Variants in ZBTB39 observed in about 807,000 individuals in gnomAD.
ZBTB39 encodes zinc finger and BTB domain-containing protein 39.
In ZBTB39, 25 loss-of-function variants were observed where a neutral mutation model predicts 39.4. The ratio of observed to expected loss-of-function variants is 0.63; its 90% confidence interval spans 0.46 to 0.89. ZBTB39 has a LOEUF of 0.89. ZBTB39 is among the 40% of genes least tolerant of loss of function. The pLI, the probability that ZBTB39 is intolerant of heterozygous loss-of-function variation, is 0.00. For missense variants in ZBTB39, 891 were observed against 909.7 expected (o/e 0.98, Z 0.26); for synonymous variants, 373 against 359.6 (o/e 1.04, Z -0.42).
At chr12:57,006,301 C>A in intron 1 of ZBTB39, 104 bp downstream of exon 1, 1 of 152,976 alleles carries the variant, frequency 6.5e-6, no homozygotes, top group South Asian at 1.9e-4. Context: ...AGGATGGGTC[C>A]GGCCGAAGGG....
rs747749909 is a variant in ZBTB39 at position 57,002,789 on chromosome 12, G to C, written c.2129C>G (p.Pro710Arg). ...IIHSKEADKN[P>R]DS The stretch of plus-strand genomic sequence containing the variant: ...TCTGCCGGGACCCAGTCAACTGTCC[G>C]GGTTCTTATCCGCCTCTTTGGAATG... Residue 710 changes from proline (P) to arginine (R), a missense_variant, in exon 2 of 2, where the codon CCG becomes CGG. Pro to Arg is a moderately radical substitution (Grantham distance 103). Transcript: ENST00000300101. The C allele has an allele frequency of 6.2e-7, 1 of 1,613,424 alleles. No homozygotes were observed. Among genetic ancestry groups the C allele is most frequent in the Non-Finnish European group, 8.5e-7 (1 of 1,179,562 alleles).
Position 57,003,475 on chromosome 12 carries a change from G to A in ZBTB39, c.1443C>T (p.Ala481=), listed in dbSNP as rs1956223476. 6.2e-7 allele frequency: 1 copy of A among 1,613,792 alleles called. No individual in the cohort carries two copies. The highest frequency in any genetic ancestry group is 8.5e-7 in the Non-Finnish European group (1 of 1,179,638). ...ILDHLNLKGQ[A]CSVCDQRHLN... ...GGTGACGCTGGTCGCAGACACTGCAGGCCTGGCCCTTCAAGTTTAGATGGT... is the reference window on the plus strand; with the variant it reads ...GGTGACGCTGGTCGCAGACACTGCAAGCCTGGCCCTTCAAGTTTAGATGGT... The change falls in exon 2 of 2, where the codon GCC becomes GCT. Residue 481 remains alanine, a synonymous_variant. Coordinates refer to ENST00000300101, the MANE Select transcript of ZBTB39 (RefSeq NM_014830.3). The surrounding 1 kb of genome is among the most constrained non-coding windows in gnomAD (Gnocchi z 4.8).
Position 57,003,463 on chromosome 12 carries a change from G to C in ZBTB39, c.1455C>G (p.Cys485Trp). Reference protein sequence around the residue: ...LNLKGQACSVCDQRHLNLCSL... With the variant: ...LNLKGQACSVWDQRHLNLCSL... ...TGCAGAGGTTAAGGTGACGCTGGTCGCAGACACTGCAGGCCTGGCCCTTCA... is the reference window on the plus strand; with the variant it reads ...TGCAGAGGTTAAGGTGACGCTGGTCCCAGACACTGCAGGCCTGGCCCTTCA... Residue 485 changes from cysteine to tryptophan, a missense_variant, in exon 2 of 2, where the codon TGC (cysteine) becomes TGG (tryptophan). Physicochemically the swap from Cys to Trp is radical, Grantham distance 215. Transcript: ENST00000300101. The surrounding 1 kb of genome is among the most constrained non-coding windows in gnomAD (Gnocchi z 4.8). 5 of 1,613,564 alleles carry C rather than the reference G, an allele frequency of 3.1e-6. No individual in the cohort carries two copies. The highest frequency in any genetic ancestry group is 4.2e-6 in the Non-Finnish European group (5 of 1,179,450).
intron 1 of ZBTB39, among the ~76,000 whole-genome samples, chr12:57,005,515 A>G (rs1455806722): frequency 6.6e-6 from 1 of 152,142 alleles, no homozygotes; most frequent in Non-Finnish European, 1.5e-5. Flanking sequence ...TGCCTATACT[A>G]CATACCCGCT....
At chr12:57,005,876 C>T (rs1272921793) in intron 1 of ZBTB39, among the ~76,000 whole-genome samples, 1 of 152,222 alleles carries the variant, frequency 6.6e-6, no homozygotes, top group Non-Finnish European at 1.5e-5. Flanking sequence ...CTGCCCAACA[C>T]AGCCCCTTTC....
rs543280396 is a variant in ZBTB39 at position 56,999,273 on chromosome 12, T to C, written c.*3506A>G. 7.9e-5 allele frequency: 12 copies of C among 152,260 alleles called. No homozygotes were observed. The highest frequency in any genetic ancestry group is 2.9e-4 in the African/African-American group (12 of 41,546). 9.4% of individuals were successfully genotyped at this position (152,260 alleles called of 1,614,324 possible). On this transcript the variant is annotated 3_prime_UTR_variant, in exon 2 of 2. Transcript: ENST00000300101. ...TCCCAGATGGGTGCAGACCACCCCA[T>C]AGAGCCCACTCCCATACCAATAAAT...
rs745855368 is a variant in ZBTB39 at position 57,003,840 on chromosome 12, G to A, written c.1078C>T (p.Arg360Trp). The A allele has an allele frequency of 2.7e-5, 44 of 1,614,040 alleles. No homozygotes were observed. Among genetic ancestry groups the A allele is most frequent in the South Asian group, 1.6e-4 (15 of 91,086 alleles). The change falls in exon 2 of 2, where the codon CGG (arginine) becomes TGG (tryptophan). Residue 360 changes from arginine (R) to tryptophan (W), a missense_variant. By Grantham distance (101) the Arg-to-Trp change is moderately radical. Transcript: ENST00000300101. The surrounding 1 kb of genome is among the most constrained non-coding windows in gnomAD (Gnocchi z 4.8). ...TCCACATGGTCCCGAGCATGCTGCC[G>A]GATCAGTTGAATGTTGGGCTCTAGA... is the stretch of plus-strand genomic sequence containing the variant. ...KVLEPNIQLI[R>W]QHARDHVDLL... is the part of the protein sequence containing the mutation.
In ZBTB39 at chr12:57,002,711, C is replaced by G. The variant is rs1956216472; in HGVS notation, c.*68G>C. 1.4e-6 allele frequency: 2 copies of G among 1,475,380 alleles called. No homozygotes were observed. The highest frequency in any genetic ancestry group is 2.5e-5 in the South Asian group (2 of 79,596). 91.4% of individuals were successfully genotyped at this position (1,475,380 alleles called of 1,614,324 possible). Reference sequence around the variant, plus strand: ...ATTATAACTTCAGCTGGGGAGGGACCAACACCTCTTAGATATCAGCATCCT... The same window carrying G: ...ATTATAACTTCAGCTGGGGAGGGACGAACACCTCTTAGATATCAGCATCCT... On this transcript the variant is annotated 3_prime_UTR_variant, in exon 2 of 2. Transcript: ENST00000300101.
At position 57,000,747 on chromosome 12, in the gene ZBTB39, T is replaced by A. The variant is rs1956205443; in HGVS notation, c.*2032A>T. 2 of 152,166 alleles carry A rather than the reference T, an allele frequency of 1.3e-5. No individual in the cohort carries two copies. The highest frequency in any genetic ancestry group is 2.9e-5 in the Non-Finnish European group (2 of 68,046). The allele number at this position is 152,166 out of a possible 1,614,324, so 9.4% of individuals were successfully genotyped here. Reference sequence around the variant, plus strand: ...CAAGGTGGGTTTAGATGGTCAAAGGTGGACCTTTAAACTGGCCACTGTACA... The same window carrying A: ...CAAGGTGGGTTTAGATGGTCAAAGGAGGACCTTTAAACTGGCCACTGTACA... On this transcript the variant is annotated 3_prime_UTR_variant, in exon 2 of 2. Coordinates refer to ENST00000300101, the MANE Select transcript of ZBTB39 (RefSeq NM_014830.3).
chr12:57,004,177 G>A lies in ZBTB39; in HGVS notation c.741C>T (p.Tyr247=). 6.2e-7 allele frequency: 1 copy of A among 1,614,194 alleles called. No homozygotes were observed. Among genetic ancestry groups the A allele is most frequent in the Non-Finnish European group, 8.5e-7 (1 of 1,180,034 alleles). ...TGAAGTCTCCATTGCTTTGAACTTT[G>A]TATGGCTGGCAGGAGCTCGTGCTGG... ...IQTSTSSCQP[Y]KVQSNGDFSK... is the part of the protein sequence containing the mutation. The change falls in exon 2 of 2, where the codon TAC becomes TAT. Residue 247 remains tyrosine, a synonymous_variant. Transcript: ENST00000300101.
At chr12:57,005,231 T>C (rs4016338) in intron 1 of ZBTB39, among the ~76,000 whole-genome samples, 15,445 of 152,244 alleles carry the variant, frequency 0.1, 843 homozygotes, top group East Asian at 0.19. Context: ...GGCATTCCCT[T>C]GGACACAATC....
chr12:57,003,093 C>A lies in ZBTB39; in HGVS notation c.1825G>T (p.Val609Phe), dbSNP rs200862385. ...GTGTGGGCAAATCTTTTGCCACAGA[C>A]CTTGCAGCTATACTTGCTGTTCCCA... is the stretch of plus-strand genomic sequence containing the variant. ...QPGNSKYSCK[V>F]CGKRFAHTSE... The change falls in exon 2 of 2, where the codon GTC becomes TTC. Residue 609 changes from valine (V) to phenylalanine (F), a missense_variant. By Grantham distance (50) the Val-to-Phe change is conservative. Coordinates refer to ENST00000300101, the MANE Select transcript of ZBTB39 (RefSeq NM_014830.3). The surrounding 1 kb of genome is among the most constrained non-coding windows in gnomAD (Gnocchi z 4.8). 1 of 1,614,158 alleles carries A rather than the reference C, an allele frequency of 6.2e-7. No individual in the cohort carries two copies. The highest frequency in any genetic ancestry group is 8.5e-7 in the Non-Finnish European group (1 of 1,180,030).
Position 57,002,864 on chromosome 12 carries a change from C to T in ZBTB39, c.2054G>A (p.Gly685Asp). Residue 685 changes from glycine to aspartate, a missense_variant, in exon 2 of 2, where the codon GGC becomes GAC. By Grantham distance (94) the Gly-to-Asp change is moderately conservative. Coordinates refer to ENST00000300101, the MANE Select transcript of ZBTB39 (RefSeq NM_014830.3). ...LMSKHVGVHK[G>D]SLPPDFTIEQ... ...GATGGTGAAGTCAGGGGGGAGGCTG[C>T]CTTTGTGCACACCAACATGTTTGCT... is the stretch of plus-strand genomic sequence containing the variant. The T allele has an allele frequency of 6.2e-7, 1 of 1,614,184 alleles. No individual in the cohort carries two copies. The highest frequency in any genetic ancestry group is 2.2e-5 in the East Asian group (1 of 44,886).
At position 57,002,032 on chromosome 12, in the gene ZBTB39, T is replaced by C. The variant is rs575125408; in HGVS notation, c.*747A>G. ...GGCCATCACTCCATAAAATCCTGTT[T>C]CTTTGGAAATGAGGAGAAAAGAGAA... On this transcript the variant is annotated 3_prime_UTR_variant, in exon 2 of 2. Coordinates refer to ENST00000300101, the MANE Select transcript of ZBTB39 (RefSeq NM_014830.3). 1.3e-5 allele frequency: 2 copies of C among 152,736 alleles called. No individual in the cohort carries two copies. Among genetic ancestry groups the C allele is most frequent in the African/African-American group, 4.8e-5 (2 of 41,566 alleles). The allele number at this position is 152,736 out of a possible 1,614,324, so 9.5% of individuals were successfully genotyped here.
chr12:57,004,416 C>A lies in ZBTB39; in HGVS notation c.502G>T (p.Ala168Ser), dbSNP rs765287315. The change falls in exon 2 of 2, where the codon GCT (alanine) becomes TCT (serine). Residue 168 changes from alanine (A) to serine (S), a missense_variant. Ala to Ser is a moderately conservative substitution (Grantham distance 99, BLOSUM62 1). Coordinates refer to ENST00000300101, the MANE Select transcript of ZBTB39 (RefSeq NM_014830.3). ...ELRGGGDYLG[A>S]DRNYVLPSDA... is the part of the protein sequence containing the mutation. ...CTGGGCAACACATAGTTTCTATCAGCACCAAGGTAGTCCCCACCACCTCGG... is the reference window on the plus strand; with the variant it reads ...CTGGGCAACACATAGTTTCTATCAGAACCAAGGTAGTCCCCACCACCTCGG... 6.2e-7 allele frequency: 1 copy of A among 1,614,198 alleles called. No homozygotes were observed. The highest frequency in any genetic ancestry group is 1.1e-5 in the South Asian group (1 of 91,086).
Position 57,004,079 on chromosome 12 carries a change from C to G in ZBTB39, c.839G>C (p.Ser280Thr), listed in dbSNP as rs368366771. ...AAAGCCAGGATCTTTGGAGTGCTCA[C>G]TATTGCTCAGACAGGAGTTGGTCCC... Reference protein sequence around the residue: ...TTGTNSCLSNSEHSKDPGFGQ... With the variant: ...TTGTNSCLSNTEHSKDPGFGQ... The change falls in exon 2 of 2, where the codon AGT (serine) becomes ACT (threonine). Residue 280 changes from serine (S) to threonine (T), a missense_variant. Physicochemically the swap from Ser to Thr is moderately conservative, Grantham distance 58. Coordinates refer to ENST00000300101, the MANE Select transcript of ZBTB39 (RefSeq NM_014830.3). 9 of 1,614,108 alleles carry G rather than the reference C, an allele frequency of 5.6e-6. No individual in the cohort carries two copies. In the African/African-American group the frequency reaches 1.1e-4, roughly 19 times the overall value.
At chr12:57,005,776 G>A (rs1321309004) in intron 1 of ZBTB39, among the ~76,000 whole-genome samples, 1 of 152,168 alleles carries the variant, frequency 6.6e-6, no homozygotes, top group Non-Finnish European at 1.5e-5. Context: ...AAGACTCCTA[G>A]AGGCTTGTTC....
rs760643472 is a variant in ZBTB39 at position 57,002,985 on chromosome 12, G to A, written c.1933C>T (p.Arg645Cys). 3.4e-5 allele frequency: 55 copies of A among 1,614,076 alleles called. No individual in the cohort carries two copies. The highest frequency in any genetic ancestry group is 4.0e-5 in the Non-Finnish European group (47 of 1,180,044). ...CKVCHKFFRG[R>C]STIKCHLKTH... ...TTTAGGTGGCACTTGATGGTCGAGC[G>A]GCCTCGAAAGAACTTGTGGCACACC... Residue 645 changes from arginine (R) to cysteine (C), a missense_variant, in exon 2 of 2, where the codon CGC (arginine) becomes TGC (cysteine). Coordinates refer to ENST00000300101, the MANE Select transcript of ZBTB39 (RefSeq NM_014830.3).
At position 57,004,490 on chromosome 12, in the gene ZBTB39, C is replaced by A; in HGVS notation, c.428G>T (p.Gly143Val). The A allele has an allele frequency of 6.2e-7, 1 of 1,614,160 alleles. No individual in the cohort carries two copies. The change falls in exon 2 of 2, where the codon GGT becomes GTT. Residue 143 changes from glycine to valine, a missense_variant. By Grantham distance (109) the Gly-to-Val change is moderately radical (BLOSUM62 -3). Coordinates refer to ENST00000300101, the MANE Select transcript of ZBTB39 (RefSeq NM_014830.3). ...TTCTGCCGAAGGACAACTCAGGGTA[C>A]CAGAGTGGCTCTCACTGGTGCTGGT... ...PLTSTSESHS[G>V]TLSCPSAEPA...
Sources: allele counts gnomAD v4.1 joint callset (sites outside exome capture counted in the v4.1 genomes callset), GRCh38; gene constraint gnomAD v4.1.1; non-coding constraint Gnocchi (gnomAD v3.1); transcripts MANE v1.5; gene names NCBI Gene and HGNC (gene_info 2026-07-23, HGNC 2026-07-21).